The following KIF20B variants were observed in gnomAD, a reference collection of about 807,000 sequenced individuals.
KIF20B encodes the protein kinesin family member 20B, also known as kinesin-like protein KIF20B.
Under a neutral mutation model 232.5 loss-of-function variants are expected in KIF20B, and 188 were observed. That is an observed-to-expected ratio of 0.81 (90% CI 0.72 to 0.91). The LOEUF (loss-of-function observed/expected upper bound fraction) is 0.91. Ranked by LOEUF, KIF20B falls within the 40% of genes least tolerant of loss-of-function variation. The pLI, the probability that KIF20B is intolerant of heterozygous loss-of-function variation, is 0.00. For missense variants in KIF20B, 2,154 were observed against 2,055.9 expected, an observed-to-expected ratio of 1.05 and a Z score of -0.92; for synonymous variants, 712 against 683.0, an observed-to-expected ratio of 1.04 and a Z score of -0.66.
At chr10:89,757,023 TGTG>T (rs1842134840) in intron 26 of KIF20B, among the ~76,000 whole-genome samples, 2 of 60,464 alleles carry the variant, frequency 3.3e-5, no homozygotes, top group South Asian at 1.6e-3. Flanking sequence ...ATATCTCTGT[TGTG>T]TGTGTGTGTG....
chr10:89,763,903 TTTA>T (rs1028453643), intron 29 of KIF20B, among the ~76,000 whole-genome samples: 10 of 146,762 alleles, frequency 6.8e-5, no homozygotes, highest in East Asian at 4.2e-4. Context: ...TATTTATTTA[TTTA>T]TTATTATACT....
chr10:89,712,795 A>G (rs1005532720), intron 6 of KIF20B, among the ~76,000 whole-genome samples: 1 of 152,098 alleles, frequency 6.6e-6, no homozygotes, highest in African/African-American at 2.4e-5. Flanking sequence ...TTTGTAGTAT[A>G]TTTTCAGACA....
rs1305650443 is a variant in KIF20B at position 89,727,861 on chromosome 10, G to A, written c.2236G>A (p.Asp746Asn). 1 of 1,550,940 alleles carries A rather than the reference G, an allele frequency of 6.4e-7. No individual in the cohort carries two copies. Among genetic ancestry groups the A allele is most frequent in the East Asian group, 2.3e-5 (1 of 43,496 alleles). ...AATGTTCTTTATTTTTTCAGAATCA[G>A]ATTCATTGATTCAAGAGCTTGAGAC... ...EELKKRENESDSLIQELETSN... is the reference protein window; with the variant it reads ...EELKKRENESNSLIQELETSN... The change falls in exon 17 of 33, where the codon GAT becomes AAT. Residue 746 changes from aspartate to asparagine, a missense_variant. Asp to Asn is a conservative substitution (Grantham distance 23). Coordinates refer to ENST00000371728, the MANE Select transcript of KIF20B (RefSeq NM_001284259.2).
Position 89,766,649 on chromosome 10 carries a change from T to G in KIF20B, c.4990-1641T>G, listed in dbSNP as rs567574212. On this transcript the variant is annotated intron_variant, in intron 29 of 32. Coordinates refer to ENST00000371728, the MANE Select transcript of KIF20B (RefSeq NM_001284259.2). ...TACAAACTCTCTAGCAAAATAATTT[T>G]TCTTCAACTTTCTTTTACTTCTTTG... Among the ~76,000 whole-genome samples, 5 of 152,246 alleles carry G rather than the reference T, an allele frequency of 3.3e-5. No homozygotes were observed. In the South Asian group the frequency reaches 8.3e-4, roughly 25 times the overall value.
intron 31 of KIF20B, among the ~76,000 whole-genome samples, chr10:89,770,754 TCTG>T (rs1842446068): frequency 6.6e-6 from 1 of 152,056 alleles, no homozygotes; most frequent in African/African-American, 2.4e-5. Flanking sequence ...TTTTTAAAAT[TCTG>T]CTGCTCTGAT....
chr10:89,726,202 CT>C (rs1321435417), intron 15 of KIF20B, 90 bp from the exon 16 acceptor site: 2 of 1,318,792 alleles, frequency 1.5e-6, no homozygotes, highest in Non-Finnish European at 1.9e-6. Context: ...GAATTTTTTG[CT>C]TTTTTAAAAA....
At chr10:89,733,167 A>G (rs1223785397) in intron 19 of KIF20B, 111 bp downstream of exon 19, 2 of 1,095,932 alleles carry the variant, frequency 1.8e-6, no homozygotes, top group Non-Finnish European at 2.7e-6. Flanking sequence ...AATCTTGAGA[A>G]AATCTAAACG....
Position 89,729,198 on chromosome 10 carries a change from A to G in KIF20B, c.2342A>G (p.Asn781Ser), listed in dbSNP as rs1243722331. 25 of 1,494,292 alleles carry G rather than the reference A, an allele frequency of 1.7e-5. No homozygotes were observed. The South Asian group carries it at 2.9e-4, about 17-fold the overall frequency. The allele number at this position is 1,494,292 out of a possible 1,614,324, so 92.6% of individuals were successfully genotyped here. The change falls in exon 18 of 33, where the codon AAC becomes AGC. Residue 781 changes from asparagine to serine, a missense_variant. Coordinates refer to ENST00000371728, the MANE Select transcript of KIF20B (RefSeq NM_001284259.2). ...ATTGATCAAAAAGAAGATACTATCA[A>G]CGAATTTCAGAACCTAAAGTCTCAT... The part of the protein sequence containing the change: ...NIIDQKEDTI[N>S]EFQNLKSHME...
At chr10:89,727,962 C>A in intron 17 of KIF20B, 66 bp downstream of exon 17, 1 of 1,356,240 alleles carries the variant, frequency 7.4e-7, no homozygotes, top group Non-Finnish European at 1.0e-6. Context: ...TGAATGATGA[C>A]TAGATTTGTT....
chr10:89,703,620 C>T (rs1842658129), intron 1 of KIF20B, among the ~76,000 whole-genome samples: 6 of 152,124 alleles, frequency 3.9e-5, no homozygotes, highest in Admixed American at 3.9e-4. Context: ...ATGTGTCTGG[C>T]AAATGTTGGG....
At chr10:89,752,954 C>A (rs1433262723) in intron 25 of KIF20B, among the ~76,000 whole-genome samples, 1 of 152,118 alleles carries the variant, frequency 6.6e-6, no homozygotes, top group Non-Finnish European at 1.5e-5. Flanking sequence ...AATTCATAAA[C>A]CACTGCTTCT....
At chr10:89,703,616 C>A (rs1011896609) in intron 1 of KIF20B, among the ~76,000 whole-genome samples, 4 of 152,186 alleles carry the variant, frequency 2.6e-5, no homozygotes, top group African/African-American at 7.2e-5. Flanking sequence ...TTTTATGTGT[C>A]TGGCAAATGT....
chr10:89,754,993 GTAGATTCTAA>G (rs1275798204), intron 26 of KIF20B, among the ~76,000 whole-genome samples: 2 of 152,280 alleles, frequency 1.3e-5, no homozygotes, highest in East Asian at 3.9e-4. Context: ...ATTTTGAACT[GTAGATTCTAA>G]TACTGTGTAC....
chr10:89,764,875 T>C (rs1842322499), intron 29 of KIF20B, among the ~76,000 whole-genome samples: 1 of 152,128 alleles, frequency 6.6e-6, no homozygotes, highest in African/African-American at 2.4e-5. Flanking sequence ...TAGTTTCTTT[T>C]GCTGTGCAGA....
rs1843223388 is a variant in KIF20B at position 89,727,855 on chromosome 10, G to T, written c.2231-1G>T. ...ATTTTCAATGTTCTTTATTTTTTCA[G>T]AATCAGATTCATTGATTCAAGAGCT... On this transcript the variant is annotated splice_acceptor_variant, in intron 16 of 32. Coordinates refer to ENST00000371728, the MANE Select transcript of KIF20B (RefSeq NM_001284259.2). LOFTEE classifies it high-confidence loss of function. 2 of 1,550,136 alleles carry T rather than the reference G, an allele frequency of 1.3e-6. No homozygotes were observed. The highest frequency in any genetic ancestry group is 1.4e-5 in the African/African-American group (1 of 73,172).
At chr10:89,759,483 A>G (rs1237620760) in intron 27 of KIF20B, among the ~76,000 whole-genome samples, 2 of 152,100 alleles carry the variant, frequency 1.3e-5, no homozygotes, top group Non-Finnish European at 2.9e-5. Flanking sequence ...TCTGCTTTAA[A>G]GCCTTCAGAC....
At chr10:89,707,507 A>AT (rs71022580) in intron 2 of KIF20B, among the ~76,000 whole-genome samples, 2,470 of 142,148 alleles carry the variant, frequency 0.017, 84 homozygotes, top group African/African-American at 0.059. Context: ...TTTTCTTTCC[A>AT]TTTTTTTTTT....
At position 89,710,580 on chromosome 10, in the gene KIF20B, T is replaced by C. The variant is rs560989445; in HGVS notation, c.491-381T>C. On this transcript the variant is annotated intron_variant, in intron 5 of 32. Transcript: ENST00000371728. Reference sequence around the variant, plus strand: ...ATTTAATTCATTTGTAAAAATACTTTACCCATTGATAGAGATTTAGATGAT... The same window carrying C: ...ATTTAATTCATTTGTAAAAATACTTCACCCATTGATAGAGATTTAGATGAT... Among the ~76,000 whole-genome samples, 3 of 149,266 alleles carry C rather than the reference T, an allele frequency of 2.0e-5. No individual in the cohort carries two copies. The South Asian group carries it at 6.6e-4, about 33-fold the overall frequency.
Position 89,727,766 on chromosome 10 carries a change from T to C in KIF20B, c.2231-90T>C, listed in dbSNP as rs951331835. The C allele has an allele frequency of 2.6e-5, 29 of 1,118,382 alleles. No individual in the cohort carries two copies. The African/African-American group carries it at 4.3e-4, about 16-fold the overall frequency. The allele number at this position is 1,118,382 out of a possible 1,614,324, so 69.3% of individuals were successfully genotyped here. On this transcript the variant is annotated intron_variant, in intron 16 of 32. Transcript: ENST00000371728. ...TTTTATTGAATGTAACAGTAAAGTGTCACTAGAGCAGCATATGTTTCATAG... is the reference window on the plus strand; with the variant it reads ...TTTTATTGAATGTAACAGTAAAGTGCCACTAGAGCAGCATATGTTTCATAG...
Sources: allele counts gnomAD v4.1 joint callset (sites outside exome capture counted in the v4.1 genomes callset), GRCh38; gene constraint gnomAD v4.1.1; transcripts MANE v1.5; gene names NCBI Gene and HGNC (gene_info 2026-07-23, HGNC 2026-07-21).